The following ACAP2 variants were observed in gnomAD, a reference collection of about 807,000 sequenced individuals.
ACAP2 encodes ArfGAP with coiled-coil, ankyrin repeat and PH domains 2.
A neutral mutation model predicts 115.8 loss-of-function variants in ACAP2; 39 were observed. That is an observed-to-expected ratio of 0.34 (90% confidence interval 0.26 to 0.44). The LOEUF (loss-of-function observed/expected upper bound fraction) is 0.44, where lower values mean the gene tolerates loss of function less well. Ranked by LOEUF, ACAP2 falls within the 20% of genes least tolerant of loss-of-function variation. The pLI is 1.00. For missense variants in ACAP2, 662 were observed against 927.6 expected, an observed-to-expected ratio of 0.71 and a Z score of 3.72; for synonymous variants, 289 against 315.8, an observed-to-expected ratio of 0.92 and a Z score of 0.90.
At chr3:195,434,670 A>G (rs1220246026) in intron 1 of ACAP2, among the ~76,000 whole-genome samples, 1 of 152,242 alleles carries the variant, frequency 6.6e-6, no homozygotes, top group Non-Finnish European at 1.5e-5. Flanking sequence ...AATGAATGTC[A>G]GTAATTCATC....
intron 1 of ACAP2, among the ~76,000 whole-genome samples, chr3:195,430,843 C>T (rs551848810): frequency 5.3e-5 from 8 of 152,252 alleles, no homozygotes; most frequent in South Asian, 2.1e-4. Context: ...TCCACCTATG[C>T]GTTTGATTAT....
chr3:195,297,103 T>C, intron 16 of ACAP2, 87 bp downstream of exon 16: 1 of 1,169,500 alleles, frequency 8.6e-7, no homozygotes, highest in Non-Finnish European at 1.2e-6. Flanking sequence ...CTAAACACTT[T>C]GTCTCAATGT....
At chr3:195,301,719 A>T in intron 14 of ACAP2, 75 bp from the exon 15 acceptor site, 2 of 1,390,566 alleles carry the variant, frequency 1.4e-6, no homozygotes, top group African/African-American at 1.4e-5. Context: ...TTTTAACGTG[A>T]CACAGGCTCT....
At position 195,442,835 on chromosome 3, in the gene ACAP2, C is replaced by G. The variant is rs1426008854; in HGVS notation, c.13G>C (p.Val5Leu). 10 of 1,526,028 alleles carry G rather than the reference C, an allele frequency of 6.6e-6. No individual in the cohort carries two copies. Among genetic ancestry groups the G allele is most frequent in the Non-Finnish European group, 8.8e-6 (10 of 1,136,878 alleles). The allele number at this position is 1,526,028 out of a possible 1,614,324, so 94.5% of individuals were successfully genotyped here. Residue 5 changes from valine (V) to leucine (L), a missense_variant, in exon 1 of 23, where the codon GTG becomes CTG. Val to Leu is a conservative substitution (Grantham distance 32). Transcript: ENST00000326793. ...TCCTTCAGACACTCCTCGAAATCCA[C>G]AGTCATCTTCATCCTGCCTCCGCCT... MKMT[V>L]DFEECLKDSP...
chr3:195,355,831 G>C (rs1731926906), intron 4 of ACAP2, among the ~76,000 whole-genome samples: 1 of 152,176 alleles, frequency 6.6e-6, no homozygotes, highest in South Asian at 2.1e-4. Context: ...TTGGCTCTAA[G>C]TATACATTTT....
chr3:195,381,933 A>G lies in ACAP2; in HGVS notation c.201T>C (p.Ala67=). ...KQFMNGIRDL[A]QYSSNDAVVE... ...CGACAGCATCATTACTAGAATACTGAGCCAGGTCTCGAATCCCATTCATGA... is the reference window on the plus strand; with the variant it reads ...CGACAGCATCATTACTAGAATACTGGGCCAGGTCTCGAATCCCATTCATGA... The change falls in exon 3 of 23, where the codon GCT becomes GCC. Residue 67 remains alanine (A), a synonymous_variant. Coordinates refer to ENST00000326793, the MANE Select transcript of ACAP2 (RefSeq NM_012287.6). 1 of 1,611,794 alleles carries G rather than the reference A, an allele frequency of 6.2e-7. No individual in the cohort carries two copies. Among genetic ancestry groups the G allele is most frequent in the Non-Finnish European group, 8.5e-7 (1 of 1,179,334 alleles).
chr3:195,365,681 T>C (rs1287749948), intron 4 of ACAP2, among the ~76,000 whole-genome samples: 2 of 152,216 alleles, frequency 1.3e-5, no homozygotes, highest in East Asian at 3.8e-4. Context: ...AGGGCAAGGC[T>C]ATGGCTTGTG....
intron 6 of ACAP2, among the ~76,000 whole-genome samples, chr3:195,337,278 C>T (rs897354778): frequency 4.6e-5 from 7 of 152,164 alleles, no homozygotes; most frequent in African/African-American, 1.7e-4. Flanking sequence ...CCCTCTTTAT[C>T]TAATTGCTCA....
chr3:195,308,874 ATAATTTATTTCCATTGT>A (rs1203085378), intron 10 of ACAP2, 37 bp from the exon 11 acceptor site: 3 of 1,527,472 alleles, frequency 2.0e-6, no homozygotes, highest in Non-Finnish European at 2.7e-6. Flanking sequence ...TTTCATAAAC[ATAATTTATTTCCATTGT>A]TGTTAGAAAT....
At chr3:195,288,687 A>G (rs146987414) in intron 21 of ACAP2, among the ~76,000 whole-genome samples, 4,269 of 152,128 alleles carry the variant, frequency 0.028, 180 homozygotes, top group African/African-American at 0.093. Context: ...GTGAAACCCC[A>G]TCTCTACTAA....
chr3:195,338,474 C>G (rs1730659255), intron 6 of ACAP2, among the ~76,000 whole-genome samples: 1 of 152,074 alleles, frequency 6.6e-6, no homozygotes, highest in Non-Finnish European at 1.5e-5. Flanking sequence ...TGCACACCAC[C>G]AGACCTGGCT....
At chr3:195,416,964 G>C (rs565300479) in intron 1 of ACAP2, among the ~76,000 whole-genome samples, 41 of 151,032 alleles carry the variant, frequency 2.7e-4, no homozygotes, top group African/African-American at 1.0e-3. Context: ...CACCCATGCT[G>C]AAATACAGTG....
chr3:195,312,958 G>A (rs1577282215), intron 10 of ACAP2: 2 of 152,156 alleles, frequency 1.3e-5, no homozygotes, highest in Admixed American at 6.5e-5. Flanking sequence ...TGATGTGATC[G>A]GGCTTTTTCC....
chr3:195,410,485 G>A (rs1713165437), intron 1 of ACAP2, among the ~76,000 whole-genome samples: 1 of 152,242 alleles, frequency 6.6e-6, no homozygotes, highest in East Asian at 1.9e-4. Flanking sequence ...CAGAATGGGA[G>A]AAAATACTTG....
chr3:195,381,974 C>T lies in ACAP2; in HGVS notation c.160G>A (p.Val54Ile), dbSNP rs754463526. Residue 54 changes from valine to isoleucine, a missense_variant, in exon 3 of 23, where the codon GTT (valine) becomes ATT (isoleucine). Val to Ile is a conservative substitution (Grantham distance 29). Transcript: ENST00000326793. ...CCATTCATGAACTGTTTATTTGCAACACAAAAGGCTTTTCCAGTATCAATC... is the reference window on the plus strand; with the variant it reads ...CCATTCATGAACTGTTTATTTGCAATACAAAAGGCTTTTCCAGTATCAATC... Reference protein sequence around the residue: ...AMIDTGKAFCVANKQFMNGIR... With the variant: ...AMIDTGKAFCIANKQFMNGIR... 1 of 1,610,950 alleles carries T rather than the reference C, an allele frequency of 6.2e-7. No homozygotes were observed. The highest frequency in any genetic ancestry group is 8.5e-7 in the Non-Finnish European group (1 of 1,179,108).
intron 4 of ACAP2, among the ~76,000 whole-genome samples, chr3:195,374,003 T>TA (rs1191401190): frequency 1.3e-5 from 2 of 152,138 alleles, no homozygotes; most frequent in Non-Finnish European, 2.9e-5. Context: ...GAGTCAGTGC[T>TA]AAAATCTGAA....
chr3:195,324,972 T>C (rs2108610903), intron 9 of ACAP2, among the ~76,000 whole-genome samples: 1 of 152,188 alleles, frequency 6.6e-6, no homozygotes, highest in Non-Finnish European at 1.5e-5. Context: ...GAGAGAAAGA[T>C]TAACAGACGT....
chr3:195,341,321 G>GTTTTTTTTTTTTTTTT (rs377628235), intron 6 of ACAP2, among the ~76,000 whole-genome samples: 1 of 107,046 alleles, frequency 9.3e-6, no homozygotes, highest in Non-Finnish European at 1.8e-5. Context: ...TATTGTGTGG[G>GTTTTTTTTTTTTTTTT]TTTTTTTTTT....
intron 9 of ACAP2, among the ~76,000 whole-genome samples, chr3:195,321,061 T>G (rs1467217515): frequency 6.6e-6 from 1 of 152,066 alleles, no homozygotes; most frequent in African/African-American, 2.4e-5. Context: ...GGACATATAA[T>G]TATATAGAAT....
Sources: allele counts gnomAD v4.1 joint callset (sites outside exome capture counted in the v4.1 genomes callset), GRCh38; gene constraint gnomAD v4.1.1; transcripts MANE v1.5; gene names NCBI Gene and HGNC (gene_info 2026-07-23, HGNC 2026-07-21).